ZNF831: variants seen among roughly 807,000 people sequenced by gnomAD.
ZNF831 encodes zinc finger protein 831.
ZNF831 carries 59 observed loss-of-function variants against 95.8 expected under a neutral mutation model. The observed-to-expected ratio is 0.62, with a 90% CI of 0.50 to 0.77. ZNF831 has a LOEUF of 0.77. Among genes scored for constraint, ZNF831 ranks in the 30% least tolerant of loss-of-function variants. ZNF831 has a pLI of 0.00. For missense variants in ZNF831, 2,205 were observed against 2,164.0 expected, an observed-to-expected ratio of 1.02 and a Z score of -0.38; for synonymous variants, 961 against 925.5, an observed-to-expected ratio of 1.04 and a Z score of -0.70.
At chr20:59,164,627 TATATA>T (rs1321586863) in intron 1 of ZNF831, among the ~76,000 whole-genome samples, 8 of 152,346 alleles carry the variant, frequency 5.3e-5, no homozygotes, top group African/African-American at 1.9e-4. Flanking sequence ...TTTTTATTTG[TATATA>T]ATATAATTGA....
At chr20:59,216,363 C>G (rs1054557976) in intron 4 of ZNF831, among the ~76,000 whole-genome samples, 2 of 152,236 alleles carry the variant, frequency 1.3e-5, no homozygotes, top group African/African-American at 4.8e-5. Context: ...CTTCACTGGG[C>G]TAGGGTGAGA....
chr20:59,249,241 A>T (rs1288091714), intron 4 of ZNF831, among the ~76,000 whole-genome samples: 1 of 152,054 alleles, frequency 6.6e-6, no homozygotes, highest in Non-Finnish European at 1.5e-5. Flanking sequence ...TACTCTTTGG[A>T]TTAAGCCCCC....
At chr20:59,173,230 G>A (rs1173401394) in intron 1 of ZNF831, among the ~76,000 whole-genome samples, 1 of 152,052 alleles carries the variant, frequency 6.6e-6, no homozygotes, top group Non-Finnish European at 1.5e-5. Flanking sequence ...CTTTTTTCCT[G>A]ATTAGTGCCC....
At position 59,225,091 on chromosome 20, in the gene ZNF831, G is replaced by A. The variant is rs1297510495; in HGVS notation, c.4027+18035G>A. Among the ~76,000 whole-genome samples, 7 of 151,844 alleles carry A rather than the reference G, an allele frequency of 4.6e-5. No homozygotes were observed. In the South Asian group the frequency reaches 1.5e-3, roughly 32 times the overall value. On this transcript the variant is annotated intron_variant, in intron 4 of 5. Coordinates refer to ENST00000371030, the MANE Select transcript of ZNF831 (RefSeq NM_178457.3). Reference sequence around the variant, plus strand: ...ATTGTGTTTAATTTCAATTAATCTGGATTCATTTAAGTAATATTCCATTAT... The same window carrying A: ...ATTGTGTTTAATTTCAATTAATCTGAATTCATTTAAGTAATATTCCATTAT...
At chr20:59,129,944 A>G (rs1294663710) in intron 1 of ZNF831, among the ~76,000 whole-genome samples, 4 of 152,196 alleles carry the variant, frequency 2.6e-5, no homozygotes, top group African/African-American at 9.7e-5. Flanking sequence ...TATACCATTT[A>G]TCCTATTAAC....
At chr20:59,138,345 C>G (rs920384850) in intron 1 of ZNF831, among the ~76,000 whole-genome samples, 1 of 150,176 alleles carries the variant, frequency 6.7e-6, no homozygotes, top group Non-Finnish European at 1.5e-5. Context: ...ATGGTGCTGA[C>G]AGGCTCCTCA....
At position 59,156,382 on chromosome 20, in the gene ZNF831, C is replaced by T. The variant is rs577122457; in HGVS notation, c.-1280-3270C>T. On this transcript the variant is annotated intron_variant, in intron 2 of 7. Coordinates refer to the ZNF831 transcript ENST00000637017. Reference sequence around the variant, plus strand: ...CTCTACTAAAATAGAAAAAATTAGCCAGGCTTGGTGGTGGGAGCCTGTAAA... The same window carrying T: ...CTCTACTAAAATAGAAAAAATTAGCTAGGCTTGGTGGTGGGAGCCTGTAAA... 3.3e-5 allele frequency among the ~76,000 whole-genome samples: 5 copies of T among 152,154 alleles called. No homozygotes were observed. The South Asian group carries it at 1.0e-3, about 32-fold the overall frequency.
chr20:59,237,591 T>C (rs2146714084), intron 4 of ZNF831, among the ~76,000 whole-genome samples: 1 of 152,276 alleles, frequency 6.6e-6, no homozygotes, highest in Middle Eastern at 3.4e-3. Flanking sequence ...AGGTGATGCA[T>C]CCCAGGTGTT....
At chr20:59,241,519 C>T (rs1202151414) in intron 4 of ZNF831, among the ~76,000 whole-genome samples, 2 of 151,982 alleles carry the variant, frequency 1.3e-5, no homozygotes, top group African/African-American at 4.8e-5. Flanking sequence ...AACTTTTATA[C>T]GTTTATAAGA....
Position 59,169,207 on chromosome 20 carries a change from A to T in ZNF831, c.-37+5000A>T, listed in dbSNP as rs146195988. Among the ~76,000 whole-genome samples the T allele has an allele frequency of 1.4e-4, 22 of 152,338 alleles. No individual in the cohort carries two copies. Among genetic ancestry groups the T allele is most frequent in the African/African-American group, 5.3e-4 (22 of 41,574 alleles). On this transcript the variant is annotated intron_variant, in intron 1 of 5. Coordinates refer to ENST00000371030, the MANE Select transcript of ZNF831 (RefSeq NM_178457.3). The surrounding 1 kb of genome is among the most constrained non-coding windows in gnomAD (Gnocchi z 4.1). ...CAGGGAGCTTCAAAATTGCAAATTC[A>T]ATCTGATAAATAGTTATAGTGTGAT...
rs774585985 is a variant in ZNF831 at position 59,192,153 on chromosome 20, C to T, written c.1134C>T (p.Gly378=). ...EHSAESEGEG[G]PGPGPGVAGA... ...GCGCCGAGTCCGAGGGGGAGGGCGG[C>T]CCGGGCCCGGGGCCAGGGGTCGCAG... The change falls in exon 2 of 6, where the codon GGC becomes GGT. Residue 378 remains glycine, a synonymous_variant. Transcript: ENST00000371030. The surrounding 1 kb of genome is among the most constrained non-coding windows in gnomAD (Gnocchi z 5.2). 6.4e-7 allele frequency: 1 copy of T among 1,557,816 alleles called. No homozygotes were observed. The highest frequency in any genetic ancestry group is 1.2e-5 in the South Asian group (1 of 83,598).
At chr20:59,201,352 AT>A (rs1984521104) in intron 3 of ZNF831, among the ~76,000 whole-genome samples, 1 of 152,006 alleles carries the variant, frequency 6.6e-6, no homozygotes, top group African/African-American at 2.4e-5. Flanking sequence ...AGTTTTGAGA[AT>A]TTTTTTAATA....
At chr20:59,148,634 C>T (rs1326129878) in intron 2 of ZNF831, among the ~76,000 whole-genome samples, 11 of 97,814 alleles carry the variant, frequency 1.1e-4, no homozygotes, top group Middle Eastern at 0.011. Flanking sequence ...GAGTCGAGAT[C>T]GCGCCACTGC....
At chr20:59,244,745 A>G (rs886582009) in intron 4 of ZNF831, among the ~76,000 whole-genome samples, 1 of 152,166 alleles carries the variant, frequency 6.6e-6, no homozygotes, top group Non-Finnish European at 1.5e-5. Context: ...GTAATCGCCA[A>G]TTCTTTTCTT....
rs1983831448 is a variant in ZNF831, at chr20:59,193,800, A to C, written c.2781A>C (p.Arg927Ser). Residue 927 changes from arginine to serine, a missense_variant, in exon 2 of 6, where the codon AGA becomes AGC. Physicochemically the swap from Arg to Ser is moderately radical, Grantham distance 110. Coordinates refer to ENST00000371030, the MANE Select transcript of ZNF831 (RefSeq NM_178457.3). ...TGGCCACCCCACCTCAGGCTCCTAG[A>C]GTGCTCTCTGCCCTGGCAGATAATG... ...PSLATPPQAP[R>S]VLSALADNAF... 2 of 1,611,332 alleles carry C rather than the reference A, an allele frequency of 1.2e-6. No individual in the cohort carries two copies. The highest frequency in any genetic ancestry group is 2.7e-5 in the African/African-American group (2 of 74,914).
chr20:59,166,155 T>C (rs1294742128), intron 1 of ZNF831, among the ~76,000 whole-genome samples: 2 of 152,074 alleles, frequency 1.3e-5, no homozygotes, highest in African/African-American at 4.8e-5. Context: ...TATATAAGGG[T>C]ACATAAGAAA....
chr20:59,153,834 A>C (rs259990), intron 2 of ZNF831, among the ~76,000 whole-genome samples: 34,919 of 152,176 alleles, frequency 0.23, 5,669 homozygotes, highest in African/African-American at 0.47. Context: ...CAAGTACCTA[A>C]TTGGAGCTGG....
chr20:59,154,684 T>C (rs539158226), intron 2 of ZNF831, among the ~76,000 whole-genome samples: 3 of 152,370 alleles, frequency 2.0e-5, no homozygotes, highest in African/African-American at 7.2e-5. Context: ...CTCCTCGCTC[T>C]GCCCACTTTG....
At chr20:59,153,150 G>A (rs1455618824) in intron 2 of ZNF831, among the ~76,000 whole-genome samples, 2 of 152,216 alleles carry the variant, frequency 1.3e-5, no homozygotes, top group Non-Finnish European at 2.9e-5. Flanking sequence ...CACCTGAGCA[G>A]TGTCTCATAC....
Sources: gnomAD v4.1 joint callset for allele counts (sites outside exome capture counted in the v4.1 genomes callset) on GRCh38, gnomAD v4.1.1 for gene constraint, Gnocchi (gnomAD v3.1) non-coding constraint, MANE v1.5 for transcripts, NCBI Gene and HGNC (gene_info 2026-07-23, HGNC 2026-07-21) for gene names.